Variants in SEMA4D observed in about 807,000 individuals in gnomAD.
The protein encoded by SEMA4D is semaphorin-4D.
A neutral mutation model predicts 74.8 loss-of-function variants in SEMA4D; 22 were observed. That is an observed-to-expected ratio of 0.29 (90% CI 0.21 to 0.42). The LOEUF is 0.42. Among genes scored for constraint, SEMA4D ranks in the 10% least tolerant of loss-of-function variants. The pLI is 1.00. For missense variants in SEMA4D, 937 were observed against 1,118.4 expected, an observed-to-expected ratio of 0.84 and a Z score of 2.31; for synonymous variants, 445 against 463.7, an observed-to-expected ratio of 0.96 and a Z score of 0.52.
intron 2 of SEMA4D, among the ~76,000 whole-genome samples, chr9:89,432,168 A>T (rs909528539): frequency 2.0e-5 from 3 of 152,242 alleles, no homozygotes; most frequent in African/African-American, 7.2e-5. Context: ...CTTGGCTTCC[A>T]TCCATAAGAC....
intron 2 of SEMA4D, among the ~76,000 whole-genome samples, chr9:89,430,285 A>ATCTGG (rs1848985282): frequency 6.6e-6 from 1 of 152,212 alleles, no homozygotes; most frequent in African/African-American, 2.4e-5. Flanking sequence ...GCCAAAGAGC[A>ATCTGG]AACCCTCCAG....
intron 1 of SEMA4D, among the ~76,000 whole-genome samples, chr9:89,475,769 A>G (rs1363047815): frequency 6.6e-6 from 1 of 152,216 alleles, no homozygotes; most frequent in Admixed American, 6.5e-5. Flanking sequence ...ACGGGAGGCC[A>G]ATGTCAGCAG....
Position 89,408,369 on chromosome 9 carries a change from C to A in SEMA4D, c.-243-2670G>T, listed in dbSNP as rs373051770. ...CCTCCAGGGTCCTGCTGCCCTTGCT[C>A]TTCTCAGTCCTCATTGCATGCAATG... is the stretch of plus-strand genomic sequence containing the variant. On this transcript the variant is annotated intron_variant, in intron 2 of 15. Transcript: ENST00000422704. 3.5e-4 allele frequency among the ~76,000 whole-genome samples: 53 copies of A among 152,288 alleles called. 3 individuals carry two copies. The South Asian group carries it at 8.5e-3, about 24-fold the overall frequency.
intron 16 of SEMA4D, among the ~76,000 whole-genome samples, chr9:89,370,544 GA>G (rs142089755): frequency 6.6e-6 from 1 of 151,032 alleles, no homozygotes; most frequent in Non-Finnish European, 1.5e-5. Flanking sequence ...CATGTGGTGT[GA>G]GGGGGTGTGG....
chr9:89,445,312 G>A (rs1852564959), intron 2 of SEMA4D, among the ~76,000 whole-genome samples: 1 of 152,194 alleles, frequency 6.6e-6, no homozygotes, highest in Admixed American at 6.5e-5. Flanking sequence ...GGGTATTCAC[G>A]GAAGCACTGT....
At chr9:89,391,038 AAG>A (rs1839752529) in intron 9 of SEMA4D, among the ~76,000 whole-genome samples, 2 of 152,256 alleles carry the variant, frequency 1.3e-5, no homozygotes, top group South Asian at 4.1e-4. Context: ...CATTAAAAGA[AAG>A]AACCTCCTGA....
chr9:89,488,265 G>A (rs530407470), intron 1 of SEMA4D, among the ~76,000 whole-genome samples: 7 of 150,116 alleles, frequency 4.7e-5, no homozygotes, highest in Non-Finnish European at 5.9e-5. Context: ...CAAATGGTGT[G>A]AGAACAATCG....
At chr9:89,497,807 C>T (rs12344962) in intron 1 of SEMA4D, 112 bp downstream of exon 1, 31,163 of 151,074 alleles carry the variant, frequency 0.21, 3,609 homozygotes, top group African/African-American at 0.28. Context: ...CCCGAGGGTC[C>T]GGTGAGGAGC....
At chr9:89,472,431 C>T (rs1262443494) in intron 1 of SEMA4D, 3 of 305,314 alleles carry the variant, frequency 9.8e-6, no homozygotes, top group Non-Finnish European at 1.9e-5. Context: ...GCCAAATATA[C>T]AGCCTTAAAA....
In SEMA4D at chr9:89,392,419, T is replaced by G; in HGVS notation, c.622+4A>C. ...TCCCACTAAGGTGCACTGCTCTTCCTTACCGTTCAGCCAAGGGATTGCATA... is the reference window on the plus strand; with the variant it reads ...TCCCACTAAGGTGCACTGCTCTTCCGTACCGTTCAGCCAAGGGATTGCATA... On this transcript the variant is annotated splice_donor_region_variant and intron_variant, in intron 8 of 15. Coordinates refer to ENST00000422704, the MANE Select transcript of SEMA4D (RefSeq NM_001371194.2). 6.2e-7 allele frequency: 1 copy of G among 1,601,966 alleles called. No individual in the cohort carries two copies. Among genetic ancestry groups the G allele is most frequent in the Non-Finnish European group, 8.6e-7 (1 of 1,169,082 alleles).
intron 6 of SEMA4D, among the ~76,000 whole-genome samples, chr9:89,395,645 C>T (rs1840798919): frequency 6.6e-6 from 1 of 152,136 alleles, no homozygotes; most frequent in Non-Finnish European, 1.5e-5. Flanking sequence ...TCTTTGAGGA[C>T]TGAGGGTCTT....
Position 89,393,550 on chromosome 9 carries a change from G to A in SEMA4D, c.508+12C>T. The A allele has an allele frequency of 6.2e-7, 1 of 1,606,598 alleles. No homozygotes were observed. On this transcript the variant is annotated intron_variant, in intron 7 of 15. Coordinates refer to ENST00000422704, the MANE Select transcript of SEMA4D (RefSeq NM_001371194.2). Reference sequence around the variant, plus strand: ...ATCTTCACGGTGAAGGAACTGGAGGGGCAGGACTCACCAACCATGACGGAT... The same window carrying A: ...ATCTTCACGGTGAAGGAACTGGAGGAGCAGGACTCACCAACCATGACGGAT...
At chr9:89,390,370 CTGCG>C in intron 9 of SEMA4D, among the ~76,000 whole-genome samples, 1 of 56,068 alleles carries the variant, frequency 1.8e-5, no homozygotes, top group Non-Finnish European at 3.8e-5. Context: ...GGCTGCGGGG[CTGCG>C]GGGCAGCTGG....
Position 89,405,620 on chromosome 9 carries a change from TCTCCAGGTGAGGAGGGGTCG to T in SEMA4D, c.-184_-165del. On this transcript the variant is annotated 5_prime_UTR_variant, in exon 3 of 16. It removes the in-frame stop codon of an upstream open reading frame in the 5' UTR. Coordinates refer to ENST00000422704, the MANE Select transcript of SEMA4D (RefSeq NM_001371194.2). ...TCCCTGAGAATCCACATTTCCCAGT[TCTCCAGGTGAGGAGGGGTCG>T]CTCTCACCACCGCAATGTCAAAGCC... 7.0e-7 allele frequency: 1 copy of T among 1,436,928 alleles called. No homozygotes were observed. 89.0% of individuals were successfully genotyped at this position (1,436,928 alleles called of 1,614,324 possible).
chr9:89,449,197 C>T (rs1305755148), intron 2 of SEMA4D, among the ~76,000 whole-genome samples: 3 of 152,224 alleles, frequency 2.0e-5, no homozygotes, highest in African/African-American at 7.2e-5. Context: ...TAAGGCCCAG[C>T]AGGCTATTTT....
At chr9:89,370,482 G>A (rs1266783946) in intron 16 of SEMA4D, among the ~76,000 whole-genome samples, 1 of 150,852 alleles carries the variant, frequency 6.6e-6, no homozygotes, top group Non-Finnish European at 1.5e-5. Flanking sequence ...TGTGTGTGGT[G>A]TGTATGAAGG....
At position 89,364,001 on chromosome 9, in the gene SEMA4D, A is replaced by C. The variant is rs774724834; in HGVS notation, c.1883-51T>G. ...CTGAGTCCACATTTAGGACCCAAAG[A>C]AGCTGCCCCATGAGGGTGCAGGGGG... On this transcript the variant is annotated intron_variant, in intron 16 of 18. Transcript: ENST00000339861. The C allele has an allele frequency of 8.1e-6, 13 of 1,613,706 alleles. No individual in the cohort carries two copies. In the Admixed American group the frequency reaches 1.2e-4, roughly 14 times the overall value.
intron 9 of SEMA4D, among the ~76,000 whole-genome samples, chr9:89,389,656 T>C (rs1354207380): frequency 6.6e-6 from 1 of 152,206 alleles, no homozygotes; most frequent in African/African-American, 2.4e-5. Flanking sequence ...AAACTACACA[T>C]GACTGTGTGT....
At chr9:89,466,416 G>T (rs566686073) in intron 1 of SEMA4D, among the ~76,000 whole-genome samples, 23 of 152,140 alleles carry the variant, frequency 1.5e-4, no homozygotes, top group African/African-American at 5.5e-4. Flanking sequence ...TTCCCTTCCG[G>T]CTTTCCCCAG....
Sources: allele counts gnomAD v4.1 joint callset (sites outside exome capture counted in the v4.1 genomes callset), GRCh38; gene constraint gnomAD v4.1.1; transcripts MANE v1.5; gene names NCBI Gene and HGNC (gene_info 2026-07-23, HGNC 2026-07-21).